BIRC6: variants seen among roughly 807,000 people sequenced by gnomAD.
BIRC6 encodes baculoviral IAP repeat containing 6, also known as dual E2 ubiquitin-conjugating enzyme/E3 ubiquitin-protein ligase BIRC6.
Under a neutral mutation model 503.3 loss-of-function variants are expected in BIRC6, and 98 were observed. That is an observed-to-expected ratio of 0.19 (90% confidence interval 0.17 to 0.23). The LOEUF (loss-of-function observed/expected upper bound fraction) is 0.23. Among genes scored for constraint, BIRC6 ranks in the 10% least tolerant of loss-of-function variants. The probability of loss-of-function intolerance (pLI) is 1.00; values close to 1 mark genes in which losing one functional copy is unlikely to be tolerated. For missense variants in BIRC6, 5,360 were observed against 5,806.0 expected, an observed-to-expected ratio of 0.92 and a Z score of 2.50; for synonymous variants, 2,240 against 2,078.7, an observed-to-expected ratio of 1.08 and a Z score of -2.11.
At chr2:32,416,203 T>C (rs1402753999) in intron 10 of BIRC6, 40 bp downstream of exon 10, 1 of 1,515,540 alleles carries the variant, frequency 6.6e-7, no homozygotes, top group Non-Finnish European at 8.9e-7. Flanking sequence ...ATAAAATCCA[T>C]GTATATATGG....
At chr2:32,392,760 GAC>G (rs936855395) in intron 5 of BIRC6, among the ~76,000 whole-genome samples, 2 of 151,624 alleles carry the variant, frequency 1.3e-5, no homozygotes, top group Non-Finnish European at 2.9e-5. Flanking sequence ...GAGTAGCTGA[GAC>G]TACAGGTGTG....
At chr2:32,517,381 A>G (rs1358266316) in intron 55 of BIRC6, among the ~76,000 whole-genome samples, 1 of 152,124 alleles carries the variant, frequency 6.6e-6, no homozygotes, top group Non-Finnish European at 1.5e-5. Flanking sequence ...AGAGAAAGAT[A>G]TTTAACTGCC....
intron 17 of BIRC6, among the ~76,000 whole-genome samples, chr2:32,441,712 G>C (rs535558010): frequency 1.3e-5 from 2 of 152,182 alleles, no homozygotes; most frequent in East Asian, 3.9e-4. Context: ...TACTCGTCAG[G>C]CAAGGGAGCA....
chr2:32,508,604 A>G (rs2054056544), intron 51 of BIRC6, among the ~76,000 whole-genome samples: 1 of 152,188 alleles, frequency 6.6e-6, no homozygotes, highest in East Asian at 1.9e-4. Flanking sequence ...CATCTGAACC[A>G]TACCAACTGA....
At chr2:32,424,396 C>G (rs2043252757) in intron 10 of BIRC6, among the ~76,000 whole-genome samples, 1 of 151,994 alleles carries the variant, frequency 6.6e-6, no homozygotes, top group Admixed American at 6.6e-5. Flanking sequence ...CACATTTTGG[C>G]TATTGTGAAT....
intron 65 of BIRC6, among the ~76,000 whole-genome samples, chr2:32,567,074 G>C (rs1172887525): frequency 6.6e-6 from 1 of 152,130 alleles, no homozygotes. Flanking sequence ...GGGTTCAAGC[G>C]ATTCACCTGC....
Position 32,509,818 on chromosome 2 carries a change from C to G in BIRC6, c.10061C>G (p.Pro3354Arg), listed in dbSNP as rs748414065. ...LEGMMASAAA[P>R]TANLLQTCAA... is the part of the protein sequence containing the mutation. ...GGAATGATGGCAAGTGCAGCTGCAC[C>G]TACTGCTAATCTGCTGCAGACTTGT... is the stretch of plus-strand genomic sequence containing the variant. Residue 3354 changes from proline to arginine, a missense_variant, in exon 52 of 74, where the codon CCT becomes CGT. Coordinates refer to ENST00000421745, the MANE Select transcript of BIRC6 (RefSeq NM_016252.4). 32 of 1,613,994 alleles carry G rather than the reference C, an allele frequency of 2.0e-5. No individual in the cohort carries two copies. Among genetic ancestry groups the G allele is most frequent in the Non-Finnish European group, 2.6e-5 (31 of 1,179,882 alleles).
At position 32,543,406 on chromosome 2, in the gene BIRC6, A is replaced by T; in HGVS notation, c.12457A>T (p.Ile4153Leu). The change falls in exon 62 of 74, where the codon ATA (isoleucine) becomes TTA (leucine). Residue 4153 changes from isoleucine (I) to leucine (L), a missense_variant. This residue lies in a region of BIRC6 where 477 missense variants were observed against 574.4 expected (regional missense o/e 0.83). Coordinates refer to ENST00000421745, the MANE Select transcript of BIRC6 (RefSeq NM_016252.4). ...IKSAVQTMSP[I>L]PAHSLAAFGL... ...GTCAGCAGTACAGACCATGTCTCCC[A>T]TACCTGCCCATTCTTTGGCTGCTTT... 1 of 1,613,982 alleles carries T rather than the reference A, an allele frequency of 6.2e-7. No homozygotes were observed. The highest frequency in any genetic ancestry group is 8.5e-7 in the Non-Finnish European group (1 of 1,179,886).
rs1056611580 is a variant in BIRC6, at chr2:32,575,496, G to A, written c.13355+130G>A. On this transcript the variant is annotated intron_variant, in intron 66 of 73. Coordinates refer to ENST00000421745, the MANE Select transcript of BIRC6 (RefSeq NM_016252.4). ...ATATACACCCTCGGCTGGGTGCGGT[G>A]GCTCACACCTGTAATCCCAGCACTG... 8.9e-5 allele frequency: 71 copies of A among 795,246 alleles called. 1 individual carries two copies. The South Asian group carries it at 1.2e-3, about 13-fold the overall frequency. 49.3% of individuals were successfully genotyped at this position (795,246 alleles called of 1,614,324 possible).
At position 32,441,392 on chromosome 2, in the gene BIRC6, G is replaced by T; in HGVS notation, c.3874G>T (p.Gly1292Cys). The change falls in exon 17 of 74, where the codon GGC (glycine) becomes TGC (cysteine). Residue 1292 changes from glycine to cysteine, a missense_variant. Transcript: ENST00000421745. The part of the protein sequence containing the change: ...SGTRKSENLR[G>C]CDLLQEVSVT... ...CACCCGTAAATCTGAAAACCTCCGG[G>T]GCTGTGATTTACTTCAAGAGGTCTC... 1 of 1,609,552 alleles carries T rather than the reference G, an allele frequency of 6.2e-7. No homozygotes were observed. The highest frequency in any genetic ancestry group is 8.5e-7 in the Non-Finnish European group (1 of 1,176,450).
chr2:32,433,533 T>G, intron 12 of BIRC6, 111 bp from the exon 13 acceptor site: 1 of 894,852 alleles, frequency 1.1e-6, no homozygotes, highest in South Asian at 2.8e-5. Context: ...AAACACTAGA[T>G]TTTGTTGGAA....
At chr2:32,387,043 C>G (rs1032886458) in intron 3 of BIRC6, among the ~76,000 whole-genome samples, 1 of 152,196 alleles carries the variant, frequency 6.6e-6, no homozygotes, top group African/African-American at 2.4e-5. Flanking sequence ...TACGTGCCCT[C>G]TTTCTTGGAC....
chr2:32,513,182 A>G, intron 54 of BIRC6, 28 bp downstream of exon 54: 1 of 1,552,084 alleles, frequency 6.4e-7, no homozygotes, highest in Non-Finnish European at 8.9e-7. Context: ...AATCTTTTTT[A>G]TCCCCCAGTA....
intron 5 of BIRC6, among the ~76,000 whole-genome samples, chr2:32,392,741 A>G (rs975458417): frequency 6.6e-6 from 1 of 151,926 alleles, no homozygotes; most frequent in Non-Finnish European, 1.5e-5. Context: ...CGCCCACCTC[A>G]GCCTCCCTGA....
chr2:32,361,994 A>G (rs2034163494), intron 1 of BIRC6, among the ~76,000 whole-genome samples: 1 of 152,140 alleles, frequency 6.6e-6, no homozygotes, highest in African/African-American at 2.4e-5. Flanking sequence ...TGCTGTAAAC[A>G]TTTGTGTGCA....
At chr2:32,437,748 G>A (rs1264913850) in intron 15 of BIRC6, among the ~76,000 whole-genome samples, 2 of 152,060 alleles carry the variant, frequency 1.3e-5, no homozygotes, top group African/African-American at 4.8e-5. Flanking sequence ...GAGCATTTTG[G>A]ATTTTCAGAT....
At chr2:32,466,081 G>A (rs988222241) in intron 26 of BIRC6, among the ~76,000 whole-genome samples, 1 of 151,870 alleles carries the variant, frequency 6.6e-6, no homozygotes, top group African/African-American at 2.4e-5. Context: ...GGATAACTAT[G>A]TTCTTTCTTT....
chr2:32,444,756 C>CA (rs564415069), intron 20 of BIRC6, among the ~76,000 whole-genome samples: 263 of 151,608 alleles, frequency 1.7e-3, no homozygotes, highest in Non-Finnish European at 2.4e-3. Flanking sequence ...TTGTGTTAAA[C>CA]AAAAAAAATG....
At chr2:32,578,282 TC>T (rs1411843487) in intron 66 of BIRC6, among the ~76,000 whole-genome samples, 1 of 152,162 alleles carries the variant, frequency 6.6e-6, no homozygotes, top group East Asian at 1.9e-4. Flanking sequence ...AATCCATTTT[TC>T]CCTTACAGTG....
Sources: gnomAD v4.1 joint callset for allele counts (sites outside exome capture counted in the v4.1 genomes callset) on GRCh38, gnomAD v4.1.1 for gene constraint, gnomAD v4.1.1 regional missense constraint, MANE v1.5 for transcripts, NCBI Gene and HGNC (gene_info 2026-07-23, HGNC 2026-07-21) for gene names.